The following TMEM214 variants were observed in gnomAD, a reference collection of about 807,000 sequenced individuals.
The protein encoded by TMEM214 is transmembrane protein 214.
In TMEM214, 71 loss-of-function variants were observed where a neutral mutation model predicts 89.8. The ratio of observed to expected loss-of-function variants is 0.79; its 90% confidence interval spans 0.65 to 0.96. The LOEUF is 0.96. Ranked by LOEUF, TMEM214 falls within the 40% of genes least tolerant of loss-of-function variation. TMEM214 has a pLI of 0.00. For synonymous variants in TMEM214, 332 were observed against 349.5 expected (o/e 0.95, Z 0.56); for missense variants, 754 against 843.4 (o/e 0.89, Z 1.31).
Position 27,038,947 on chromosome 2 carries a change from G to C in TMEM214, c.1408-100G>C. On this transcript the variant is annotated intron_variant, in intron 12 of 16. Coordinates refer to ENST00000238788, the MANE Select transcript of TMEM214 (RefSeq NM_017727.5). The surrounding 1 kb of genome is among the most constrained non-coding windows in gnomAD (Gnocchi z 4.4). ...CCGCTGCCTCCAGGATAATGTGAAGGCTTGACGCTCTTTCGGGAAGGCCTG... is the reference window on the plus strand; with the variant it reads ...CCGCTGCCTCCAGGATAATGTGAAGCCTTGACGCTCTTTCGGGAAGGCCTG... 6.8e-7 allele frequency: 1 copy of C among 1,475,982 alleles called. No individual in the cohort carries two copies. The highest frequency in any genetic ancestry group is 9.4e-7 in the Non-Finnish European group (1 of 1,061,130). 91.4% of individuals were successfully genotyped at this position (1,475,982 alleles called of 1,614,324 possible).
rs374827842 is a variant in TMEM214, at chr2:27,037,623, C to T, written c.1073C>T (p.Pro358Leu). ...AAAGTGCTGGCATTTGGAGCAAAGC[C>T]GGATTCCACCCTGCATACCTACTTC... The part of the protein sequence containing the change: ...RLKVLAFGAK[P>L]DSTLHTYFPS... The change falls in exon 9 of 17, where the codon CCG (proline) becomes CTG (leucine). Residue 358 changes from proline (P) to leucine (L), a missense_variant. Pro to Leu is a moderately conservative substitution (Grantham distance 98). Transcript: ENST00000238788. The T allele has an allele frequency of 1.1e-5, 17 of 1,614,036 alleles. No individual in the cohort carries two copies. The highest frequency in any genetic ancestry group is 6.7e-5 in the African/African-American group (5 of 74,910).
At position 27,040,932 on chromosome 2, in the gene TMEM214, T is replaced by C. The variant is rs1194655452; in HGVS notation, c.*95T>C. On this transcript the variant is annotated 3_prime_UTR_variant, in exon 17 of 17. Transcript: ENST00000238788. ...AGTTCTTCATGGGAGTCTTTTTAAC[T>C]TGGTGCCTGAGTTCTCTCCTAGGCA... 16 of 1,511,896 alleles carry C rather than the reference T, an allele frequency of 1.1e-5. No individual in the cohort carries two copies. Among genetic ancestry groups the C allele is most frequent in the Non-Finnish European group, 1.4e-5 (16 of 1,113,702 alleles). 93.7% of individuals were successfully genotyped at this position (1,511,896 alleles called of 1,614,324 possible). A position where few individuals can be genotyped will look rare whatever the true frequency, so the allele number is the denominator to read the frequency against.
intron 2 of TMEM214, chr2:27,034,599 CTCTTTTT>C (rs1299602994): frequency 4.5e-6 from 1 of 224,234 alleles, no homozygotes; most frequent in African/African-American, 2.9e-5. Flanking sequence ...CTCTGTTTTC[CTCTTTTT>C]TTTTTTTTTT....
chr2:27,039,943 C>T (rs188586071), intron 14 of TMEM214, 87 bp from the exon 15 acceptor site: 84 of 1,593,090 alleles, frequency 5.3e-5, no homozygotes, highest in South Asian at 5.0e-4. Flanking sequence ...TCCTTTCCCA[C>T]GGCCTCCCTT....
intron 9 of TMEM214, 52 bp downstream of exon 9, chr2:27,037,754 G>T: frequency 1.2e-6 from 2 of 1,613,914 alleles, no homozygotes; most frequent in Non-Finnish European, 1.7e-6. Context: ...CAGCTGTAGC[G>T]GTCCCTATCT....
Position 27,040,341 on chromosome 2 carries a change from C to G in TMEM214, c.1792-4C>G, listed in dbSNP as rs374564413. The stretch of plus-strand genomic sequence containing the variant: ...TCTGACCCCATCCATTCTCCATGGT[C>G]CAGCTACAGATCCAGCTCCCCGATT... On this transcript the variant is annotated splice_polypyrimidine_tract_variant and splice_region_variant and intron_variant, in intron 15 of 16. Transcript: ENST00000238788. The G allele has an allele frequency of 8.6e-5, 139 of 1,613,984 alleles. No individual in the cohort carries two copies. The highest frequency in any genetic ancestry group is 1.0e-4 in the Non-Finnish European group (118 of 1,180,006).
intron 5 of TMEM214, 99 bp from the exon 6 acceptor site, chr2:27,036,388 C>T: frequency 9.6e-7 from 1 of 1,046,494 alleles, no homozygotes; most frequent in Non-Finnish European, 1.5e-6. Context: ...TCGGCCTGTC[C>T]TCCCTCTTCC....
Position 27,037,898 on chromosome 2 carries a change from G to A in TMEM214, c.1152+196G>A, listed in dbSNP as rs759098432. ...CCAAGAGACAGCACATTCAGGTCTG[G>A]GTGGTTTCTGATGCCCGTCTCTTGC... On this transcript the variant is annotated intron_variant, in intron 9 of 16. Coordinates refer to ENST00000238788, the MANE Select transcript of TMEM214 (RefSeq NM_017727.5). The A allele has an allele frequency of 3.9e-6, 6 of 1,552,116 alleles. No individual in the cohort carries two copies. In the South Asian group the frequency reaches 4.8e-5, roughly 12 times the overall value.
chr2:27,035,319 G>C (rs1227700126), intron 3 of TMEM214, 34 bp downstream of exon 3: 4 of 1,613,302 alleles, frequency 2.5e-6, no homozygotes, highest in Non-Finnish European at 3.4e-6. Context: ...GCTCAGACAA[G>C]TTCAAATAAA....
chr2:27,038,835 T>C lies in TMEM214; in HGVS notation c.1407+20T>C. 6.2e-7 allele frequency: 1 copy of C among 1,600,138 alleles called. No individual in the cohort carries two copies. Among genetic ancestry groups the C allele is most frequent in the Non-Finnish European group, 8.6e-7 (1 of 1,167,906 alleles). On this transcript the variant is annotated intron_variant, in intron 12 of 16. Transcript: ENST00000238788. This position sits in a 1 kb window ranked among gnomAD's most constrained non-coding sequence, Gnocchi z 4.4. ...TGCAAGGTGCTGGCACCCGGTCCTC[T>C]CCAGCCCACACGCTATCTTACATCT...
chr2:27,033,090 C>T lies in TMEM214; in HGVS notation c.75C>T (p.Gly25=), dbSNP rs1247329488. 5 of 1,246,922 alleles carry T rather than the reference C, an allele frequency of 4.0e-6. No individual in the cohort carries two copies. Among genetic ancestry groups the T allele is most frequent in the African/African-American group, 1.6e-5 (1 of 64,320 alleles). The allele number at this position is 1,246,922 out of a possible 1,614,324, so 77.2% of individuals were successfully genotyped here. A position where few individuals can be genotyped will look rare whatever the true frequency, so the allele number is the denominator to read the frequency against. The change falls in exon 1 of 17, where the codon GGC becomes GGT. Residue 25 remains glycine, a synonymous_variant. Transcript: ENST00000238788. ...GTCGGCGGCCTGGGGTCGGCGCCGG[C>T]GCCGGCGGCCGAGGAGGCGGCAGGA... ...KKGRRPGVGA[G]AGGRGGGRNR... is the part of the protein sequence containing the mutation.
chr2:27,036,426 T>G, intron 5 of TMEM214, 61 bp from the exon 6 acceptor site: 6 of 1,372,110 alleles, frequency 4.4e-6, no homozygotes, highest in Non-Finnish European at 6.2e-6. Flanking sequence ...CCTCCTGGCT[T>G]TGGGGGGTGC....
At chr2:27,039,304 A>AT (rs1667715694) in intron 13 of TMEM214, 140 bp downstream of exon 13, 11 of 705,710 alleles carry the variant, frequency 1.6e-5, no homozygotes, top group Middle Eastern at 2.8e-4. Flanking sequence ...TTACAGACAG[A>AT]TTTTTTTGTC....
In TMEM214 at chr2:27,039,068, G is replaced by C. The variant is rs766323014; in HGVS notation, c.1429G>C (p.Gly477Arg). 6.2e-7 allele frequency: 1 copy of C among 1,613,566 alleles called. No individual in the cohort carries two copies. Among genetic ancestry groups the C allele is most frequent in the Non-Finnish European group, 8.5e-7 (1 of 1,180,042 alleles). Residue 477 changes from glycine to arginine, a missense_variant, in exon 13 of 17, where the codon GGT becomes CGT. By Grantham distance (125) the Gly-to-Arg change is moderately radical. Transcript: ENST00000238788. ...ACKGLLQQVQ[G>R]PRLPWTRLLL... ...CCAGGGCCTGTTGCAGCAGGTTCAG[G>C]GTCCTCGGCTGCCCTGGACGCGGCT... is the stretch of plus-strand genomic sequence containing the variant.
In TMEM214 at chr2:27,033,160, C is replaced by T; in HGVS notation, c.145C>T (p.Leu49=). The T allele has an allele frequency of 8.0e-7, 1 of 1,248,320 alleles. No homozygotes were observed. Among genetic ancestry groups the T allele is most frequent in the Non-Finnish European group, 1.0e-6 (1 of 987,704 alleles). 77.3% of individuals were successfully genotyped at this position (1,248,320 alleles called of 1,614,324 possible). A position where few individuals can be genotyped will look rare whatever the true frequency, so the allele number is the denominator to read the frequency against. Reference sequence around the variant, plus strand: ...AGCAAACGGAGTGTGGAAATACGACCTGACCCGTGAGTACCCGCCCTGCCC... The same window carrying T: ...AGCAAACGGAGTGTGGAAATACGACTTGACCCGTGAGTACCCGCCCTGCCC... ...GEANGVWKYD[L]TPAIQTTSTL... Residue 49 remains leucine (L), a synonymous_variant, in exon 1 of 17, where the codon CTG becomes TTG. Coordinates refer to ENST00000238788, the MANE Select transcript of TMEM214 (RefSeq NM_017727.5).
chr2:27,040,309 T>G, intron 15 of TMEM214, 36 bp from the exon 16 acceptor site: 1 of 1,613,106 alleles, frequency 6.2e-7, no homozygotes, highest in South Asian at 1.1e-5. Context: ...TGCAGTTCCC[T>G]GGATACTCTG....
chr2:27,038,460 TA>T lies in TMEM214; in HGVS notation c.1245-23del, dbSNP rs1465007343. Reference sequence around the variant, plus strand: ...GGTGAGGCTGCGCGAGCCACCTGACTAGGGGGTTGTGCTTTCCCCACAGCCT... The same window carrying T: ...GGTGAGGCTGCGCGAGCCACCTGACTGGGGGTTGTGCTTTCCCCACAGCCT... On this transcript the variant is annotated intron_variant, in intron 10 of 16. Coordinates refer to ENST00000238788, the MANE Select transcript of TMEM214 (RefSeq NM_017727.5). The surrounding 1 kb of genome is among the most constrained non-coding windows in gnomAD (Gnocchi z 4.4). The T allele has an allele frequency of 1.9e-6, 3 of 1,613,454 alleles. No individual in the cohort carries two copies. The highest frequency in any genetic ancestry group is 8.5e-7 in the Non-Finnish European group (1 of 1,179,828).
Position 27,038,522 on chromosome 2 carries a change from T to C in TMEM214, c.1283T>C (p.Ile428Thr), listed in dbSNP as rs1667672132. 1 of 1,613,942 alleles carries C rather than the reference T, an allele frequency of 6.2e-7. No homozygotes were observed. ...LEHLLSSWEQ[I>T]PKKVQKSLQE... ...CACTTGCTCAGCTCCTGGGAGCAGA[T>C]TCCCAAGAAGGTGAGGAGCTGGGAG... The change falls in exon 11 of 17, where the codon ATT (isoleucine) becomes ACT (threonine). Residue 428 changes from isoleucine (I) to threonine (T), a missense_variant. By Grantham distance (89) the Ile-to-Thr change is moderately conservative (BLOSUM62 -1). Coordinates refer to ENST00000238788, the MANE Select transcript of TMEM214 (RefSeq NM_017727.5). This position sits in a 1 kb window ranked among gnomAD's most constrained non-coding sequence, Gnocchi z 4.4.
chr2:27,040,406 T>C lies in TMEM214; in HGVS notation c.1853T>C (p.Leu618Pro). The change falls in exon 16 of 17, where the codon CTG (leucine) becomes CCG (proline). Residue 618 changes from leucine (L) to proline (P), a missense_variant. Coordinates refer to ENST00000238788, the MANE Select transcript of TMEM214 (RefSeq NM_017727.5). Reference sequence around the variant, plus strand: ...CTCCGCTATCTGAGAGAGCTGCCCCTGCTTTTCCACCAGAATGTGCTGCTG... The same window carrying C: ...CTCCGCTATCTGAGAGAGCTGCCCCCGCTTTTCCACCAGAATGTGCTGCTG... The part of the protein sequence containing the change: ...QLLRYLRELP[L>P]LFHQNVLLPL... The C allele has an allele frequency of 6.2e-7, 1 of 1,614,236 alleles. No individual in the cohort carries two copies. The highest frequency in any genetic ancestry group is 8.5e-7 in the Non-Finnish European group (1 of 1,180,040).
Sources: gnomAD v4.1 joint callset for allele counts on GRCh38, gnomAD v4.1.1 for gene constraint, Gnocchi (gnomAD v3.1) non-coding constraint, MANE v1.5 for transcripts, NCBI Gene and HGNC (gene_info 2026-07-23, HGNC 2026-07-21) for gene names.